The following RPL15 variants were observed in gnomAD, a reference collection of about 807,000 sequenced individuals.
RPL15 encodes the protein ribosomal protein L15, also known as large ribosomal subunit protein eL15.
For missense variants in RPL15, 161 were observed against 271.8 expected, an observed-to-expected ratio of 0.59 and a Z score of 2.87; for synonymous variants, 97 against 95.1, an observed-to-expected ratio of 1.02 and a Z score of -0.12.
Position 23,919,285 on chromosome 3 carries a change from C to T in RPL15, c.399C>T (p.Ile133=), listed in dbSNP as rs1378153848. 7 of 1,609,000 alleles carry T rather than the reference C, an allele frequency of 4.4e-6. No individual in the cohort carries two copies. The highest frequency in any genetic ancestry group is 5.9e-6 in the Non-Finnish European group (7 of 1,178,810). The change falls in exon 4 of 4, where the codon ATC becomes ATT. Residue 133 remains isoleucine (I), a synonymous_variant. Coordinates refer to ENST00000307839, the MANE Select transcript of RPL15 (RefSeq NM_002948.5). ...EDSTYKFFEV[I]LIDPFHKAIR... is the part of the protein sequence containing the mutation. ...CCACATACAAATTTTTTGAGGTTAT[C>T]CTCATTGATCCATTCCATAAAGCTA...
In RPL15 at chr3:23,919,303, T is replaced by G; in HGVS notation, c.417T>G (p.His139Gln). 1 of 1,606,442 alleles carries G rather than the reference T, an allele frequency of 6.2e-7. No individual in the cohort carries two copies. ...AGGTTATCCTCATTGATCCATTCCA[T>G]AAAGCTATCAGAAGAAATCCTGACA... ...FFEVILIDPFHKAIRRNPDTQ... is the reference protein window; with the variant it reads ...FFEVILIDPFQKAIRRNPDTQ... Residue 139 changes from histidine to glutamine, a missense_variant, in exon 4 of 4, where the codon CAT (histidine) becomes CAG (glutamine). By Grantham distance (24) the His-to-Gln change is conservative. Coordinates refer to ENST00000307839, the MANE Select transcript of RPL15 (RefSeq NM_002948.5).
chr3:23,922,823 TTGAGACAGGGTCTCAC>T (rs1371896968), downstream of RPL15: 2 of 152,424 alleles, frequency 1.3e-5, no homozygotes, highest in East Asian at 3.9e-4. The surrounding 1 kb of genome is among the most constrained non-coding windows in gnomAD (Gnocchi z 4.2). Context: ...TTTTTTTATT[TTGAGACAGGGTCTCAC>T]TGTTGCCCAG....
At chr3:23,921,156 C>CT (rs1178341674), downstream of RPL15, among the ~76,000 whole-genome samples, 1 of 152,156 alleles carries the variant, frequency 6.6e-6, no homozygotes, top group Non-Finnish European at 1.5e-5. Context: ...TTAAACATGA[C>CT]TAATTTGGGA....
rs1052514182 is a variant in RPL15, at chr3:23,920,094, G to A, written c.*593G>A. On this transcript the variant is annotated 3_prime_UTR_variant, in exon 4 of 4. Coordinates refer to ENST00000307839, the MANE Select transcript of RPL15 (RefSeq NM_002948.5). ...TGGTGTGTTTTGAAGTTGAATGTGC[G>A]ATAAAATTATTAGCCTTAAGATTGG... is the stretch of plus-strand genomic sequence containing the variant. 94 of 985,780 alleles carry A rather than the reference G, an allele frequency of 9.5e-5. No individual in the cohort carries two copies. Among genetic ancestry groups the A allele is most frequent in the Non-Finnish European group, 1.1e-4 (88 of 829,948 alleles). The allele number at this position is 985,780 out of a possible 1,614,324, so 61.1% of individuals were successfully genotyped here.
intron 2 of RPL15, 127 bp downstream of exon 2, chr3:23,918,158 C>A: frequency 8.4e-7 from 1 of 1,193,990 alleles, no homozygotes. Context: ...AAAAAGCTAG[C>A]AACACTGGTC....
chr3:23,920,335 C>A lies in RPL15; in HGVS notation c.*834C>A. 1 of 985,570 alleles carries A rather than the reference C, an allele frequency of 1.0e-6. No individual in the cohort carries two copies. The highest frequency in any genetic ancestry group is 1.2e-6 in the Non-Finnish European group (1 of 829,894). 61.1% of individuals were successfully genotyped at this position (985,570 alleles called of 1,614,324 possible). A position where few individuals can be genotyped will look rare whatever the true frequency, so the allele number is the denominator to read the frequency against. On this transcript the variant is annotated 3_prime_UTR_variant, in exon 4 of 4. Transcript: ENST00000307839. ...AGTCTTAAAAACATCTTGGGTTACC[C>A]ACTCTGTCCACTCCCATAGGCTACA...
chr3:23,920,012 TC>T lies in RPL15; in HGVS notation c.*513del. On this transcript the variant is annotated 3_prime_UTR_variant, in exon 4 of 4. Coordinates refer to ENST00000307839, the MANE Select transcript of RPL15 (RefSeq NM_002948.5). ...TTAAATTCACATAAAAGGTGAAAGCTCCTGGTTCAGTGCCATGGCTTCATGG... is the reference window on the plus strand; with the variant it reads ...TTAAATTCACATAAAAGGTGAAAGCTCTGGTTCAGTGCCATGGCTTCATGG... The T allele has an allele frequency of 1.0e-6, 1 of 986,752 alleles. No individual in the cohort carries two copies. Among genetic ancestry groups the T allele is most frequent in the African/African-American group, 1.7e-5 (1 of 57,358 alleles). 61.1% of individuals were successfully genotyped at this position (986,752 alleles called of 1,614,324 possible).
Position 23,918,006 on chromosome 3 carries a change from C to G in RPL15, c.147C>G (p.Arg49=). ...APRPTRPDKA[R]RLGYKAKQGY... is the part of the protein sequence containing the mutation. ...GCCCCACCCGGCCTGATAAAGCGCG[C>G]CGACTGGGCTACAAGGCCAAGCAAG... Residue 49 remains arginine, a synonymous_variant, in exon 2 of 4, where the codon CGC becomes CGG. Coordinates refer to ENST00000307839, the MANE Select transcript of RPL15 (RefSeq NM_002948.5). 3.1e-6 allele frequency: 5 copies of G among 1,610,132 alleles called. No homozygotes were observed. Among genetic ancestry groups the G allele is most frequent in the Non-Finnish European group, 4.2e-6 (5 of 1,178,740 alleles).
At chr3:23,922,718 G>C (rs1045345333), downstream of RPL15, 1 of 152,156 alleles carries the variant, frequency 6.6e-6, no homozygotes, top group African/African-American at 2.4e-5. This position sits in a 1 kb window ranked among gnomAD's most constrained non-coding sequence, Gnocchi z 4.2. Flanking sequence ...ATACATTAAC[G>C]TTAAAAATTC....
chr3:23,922,428 C>T (rs1705120604), downstream of RPL15: 1 of 152,280 alleles, frequency 6.6e-6, no homozygotes, highest in African/African-American at 2.4e-5. The surrounding 1 kb of genome is among the most constrained non-coding windows in gnomAD (Gnocchi z 4.2). Context: ...GATGGAGTCT[C>T]ACTGTGTCGC....
At chr3:23,918,921 C>T (rs1426224357) in intron 3 of RPL15, 2 of 525,450 alleles carry the variant, frequency 3.8e-6, no homozygotes, top group Non-Finnish European at 3.3e-6. Flanking sequence ...TCCCCAAACC[C>T]TAAATTTTGT....
intron 2 of RPL15, 84 bp from the exon 3 acceptor site, chr3:23,918,356 G>A: frequency 2.1e-6 from 3 of 1,437,028 alleles, no homozygotes; most frequent in Non-Finnish European, 2.8e-6. Flanking sequence ...AAGTATTTTT[G>A]GTGGAGTATT....
In RPL15 at chr3:23,919,378, G is replaced by T; in HGVS notation, c.492G>T (p.Leu164=). ...PVHKHREMRG[L]TSAGRKSRGL... ...ACAAGCACAGGGAGATGCGTGGGCTGACATCTGCAGGCCGAAAGAGCCGTG... is the reference window on the plus strand; with the variant it reads ...ACAAGCACAGGGAGATGCGTGGGCTTACATCTGCAGGCCGAAAGAGCCGTG... The change falls in exon 4 of 4, where the codon CTG becomes CTT. Residue 164 remains leucine, a synonymous_variant. Transcript: ENST00000307839. 2 of 1,602,732 alleles carry T rather than the reference G, an allele frequency of 1.2e-6. No individual in the cohort carries two copies. Among genetic ancestry groups the T allele is most frequent in the South Asian group, 2.2e-5 (2 of 91,042 alleles).
chr3:23,921,311 C>A (rs1485387577), downstream of RPL15, among the ~76,000 whole-genome samples: 1 of 152,174 alleles, frequency 6.6e-6, no homozygotes, highest in Non-Finnish European at 1.5e-5. Context: ...GCAAAAAAAT[C>A]AAAAGTCCTC....
chr3:23,918,121 T>C (rs1314212633), intron 2 of RPL15, 90 bp downstream of exon 2: 2 of 1,474,254 alleles, frequency 1.4e-6, no homozygotes, highest in Non-Finnish European at 9.1e-7. Flanking sequence ...TGCCTCAGTG[T>C]CTTTCTTCGC....
chr3:23,924,580 A>C (rs1293363417), downstream of RPL15, among the ~76,000 whole-genome samples: 1 of 152,028 alleles, frequency 6.6e-6, no homozygotes, highest in Admixed American at 6.6e-5. Flanking sequence ...TTGTACTTTT[A>C]GTAGAGGCGG....
At chr3:23,924,237 A>C (rs1705169759), downstream of RPL15, 1 of 152,246 alleles carries the variant, frequency 6.6e-6, no homozygotes, top group Non-Finnish European at 1.5e-5. Flanking sequence ...TAACTAATTC[A>C]ATAAATAAAG....
In RPL15 at chr3:23,920,102, T is replaced by C. The variant is rs753460903; in HGVS notation, c.*601T>C. The C allele has an allele frequency of 2.4e-5, 24 of 985,896 alleles. No individual in the cohort carries two copies. In the South Asian group the frequency reaches 7.5e-4, roughly 31 times the overall value. The allele number at this position is 985,896 out of a possible 1,614,324, so 61.1% of individuals were successfully genotyped here. ...TTTGAAGTTGAATGTGCGATAAAAT[T>C]ATTAGCCTTAAGATTGGTAAGCTAG... is the stretch of plus-strand genomic sequence containing the variant. On this transcript the variant is annotated 3_prime_UTR_variant, in exon 4 of 4. Transcript: ENST00000307839.
intron 2 of RPL15, 142 bp downstream of exon 2, chr3:23,918,173 A>G (rs1704782423): frequency 9.4e-7 from 1 of 1,064,652 alleles, no homozygotes; most frequent in Non-Finnish European, 1.3e-6. Context: ...CTGGTCAGTT[A>G]CTGTATGCAC....
Sources: gnomAD v4.1 joint callset for allele counts (sites outside exome capture counted in the v4.1 genomes callset) on GRCh38, gnomAD v4.1.1 for gene constraint, Gnocchi (gnomAD v3.1) non-coding constraint, MANE v1.5 for transcripts, NCBI Gene and HGNC (gene_info 2026-07-23, HGNC 2026-07-21) for gene names.